Variants in PROX1 observed in about 807,000 individuals in gnomAD.
PROX1 encodes prospero homeobox protein 1.
Under a neutral mutation model 58.8 loss-of-function variants are expected in PROX1, and 7 were observed. The observed-to-expected ratio is 0.12, with a 90% confidence interval of 0.07 to 0.22. PROX1 has a LOEUF of 0.22. Ranked by LOEUF, PROX1 falls within the 10% of genes least tolerant of loss-of-function variation. PROX1 has a pLI of 1.00. For missense variants in PROX1, 675 were observed against 927.8 expected, an observed-to-expected ratio of 0.73 and a Z score of 3.54; for synonymous variants, 350 against 358.3, an observed-to-expected ratio of 0.98 and a Z score of 0.26.
chr1:213,997,903 C>A lies in PROX1; in HGVS notation c.1368C>A (p.Ala456=). 1 of 1,612,494 alleles carries A rather than the reference C, an allele frequency of 6.2e-7. No homozygotes were observed. The highest frequency in any genetic ancestry group is 2.2e-5 in the East Asian group (1 of 44,858). The change falls in exon 2 of 5, where the codon GCC becomes GCA. Residue 456 remains alanine, a synonymous_variant. Transcript: ENST00000366958. The surrounding 1 kb of genome is among the most constrained non-coding windows in gnomAD (Gnocchi z 7.1). ...NSSDQSASGP[A]AGGHHQPLHQ... is the part of the protein sequence containing the mutation. ...CTGACCAGTCTGCCTCCGGCCCTGC[C>A]GCTGGCGGCCACCACCAGCCCCTGC... is the stretch of plus-strand genomic sequence containing the variant.
At chr1:214,016,359 T>G (rs1664095005) in intron 4 of PROX1, among the ~76,000 whole-genome samples, 1 of 152,300 alleles carries the variant, frequency 6.6e-6, no homozygotes, top group African/African-American at 2.4e-5. Flanking sequence ...TTGTCATCTC[T>G]TTAAAGAAAA....
At chr1:214,029,563 A>G (rs985199229) in intron 4 of PROX1, 5 of 152,290 alleles carry the variant, frequency 3.3e-5, no homozygotes, top group African/African-American at 1.2e-4. Context: ...TTACCTATAT[A>G]TTTTTAAAGG....
At chr1:214,018,725 G>A (rs1378113690) in intron 4 of PROX1, among the ~76,000 whole-genome samples, 2 of 152,182 alleles carry the variant, frequency 1.3e-5, no homozygotes, top group African/African-American at 4.8e-5. Flanking sequence ...CATATTTAAA[G>A]GCAATCTCTG....
At chr1:213,999,899 T>C (rs1269675023) in intron 2 of PROX1, among the ~76,000 whole-genome samples, 3 of 152,186 alleles carry the variant, frequency 2.0e-5, no homozygotes, top group Admixed American at 6.5e-5. Flanking sequence ...ATGGTTTTTG[T>C]GCCCTTTGCA....
intron 4 of PROX1, among the ~76,000 whole-genome samples, chr1:214,021,243 T>C (rs1304040990): frequency 2.0e-5 from 3 of 152,270 alleles, no homozygotes; most frequent in Non-Finnish European, 4.4e-5. Context: ...AATCTCATTG[T>C]CAGAATATAC....
chr1:214,012,236 G>A (rs1419562277), intron 4 of PROX1, among the ~76,000 whole-genome samples: 1 of 152,152 alleles, frequency 6.6e-6, no homozygotes, highest in African/African-American at 2.4e-5. Flanking sequence ...TAAGTACATA[G>A]CATAAGAGAT....
chr1:214,029,242 A>T (rs1664563340), intron 4 of PROX1: 1 of 152,262 alleles, frequency 6.6e-6, no homozygotes, highest in African/African-American at 2.4e-5. Flanking sequence ...ACACGTGTGC[A>T]GATGCCCATT....
At position 214,027,032 on chromosome 1, in the gene PROX1, T is replaced by C. The variant is rs1285845264; in HGVS notation, c.2029-8617T>C. ...TGTGGCATTGGAGGATGTCAAGTGG[T>C]CTGACTTGGAAGTGTACTGCCACAA... On this transcript the variant is annotated intron_variant, in intron 4 of 4. Transcript: ENST00000366958. Among the ~76,000 whole-genome samples the C allele has an allele frequency of 2.6e-5, 4 of 152,152 alleles. No individual in the cohort carries two copies. In the East Asian group the frequency reaches 7.7e-4, roughly 29 times the overall value.
chr1:214,024,624 T>A (rs1664392000), intron 4 of PROX1, among the ~76,000 whole-genome samples: 1 of 152,190 alleles, frequency 6.6e-6, no homozygotes, highest in African/African-American at 2.4e-5. Context: ...GGCTCCTTAC[T>A]CACATTGCTC....
chr1:214,017,303 TG>T (rs1015304988), intron 4 of PROX1, among the ~76,000 whole-genome samples: 2 of 152,202 alleles, frequency 1.3e-5, no homozygotes, highest in African/African-American at 2.4e-5. Flanking sequence ...GGGGATTCAG[TG>T]GAGTTCTATG....
In PROX1 at chr1:213,988,308, C is replaced by G. The variant is rs1351950026; in HGVS notation, c.-243C>G. On this transcript the variant is annotated 5_prime_UTR_variant, in exon 1 of 5. Transcript: ENST00000366958. ...CTCGCCCCGCTCGCTCGCTCGCTGT[C>G]GCACAGACTCACCGTCCCTTGTCCA... 6.6e-6 allele frequency: 1 copy of G among 152,536 alleles called. No individual in the cohort carries two copies. Among genetic ancestry groups the G allele is most frequent in the African/African-American group, 2.4e-5 (1 of 41,322 alleles). The allele number at this position is 152,536 out of a possible 1,614,324, so 9.4% of individuals were successfully genotyped here. A position where few individuals can be genotyped will look rare whatever the true frequency, so the allele number is the denominator to read the frequency against.
Position 214,016,196 on chromosome 1 carries a change from C to T in PROX1, c.2028+4481C>T, listed in dbSNP as rs973475134. ...GGAAATAGAAAATAAAAAACAACAC[C>T]CCACCCCACCCCCAACACACACACA... is the stretch of plus-strand genomic sequence containing the variant. On this transcript the variant is annotated intron_variant, in intron 4 of 4. Coordinates refer to ENST00000366958, the MANE Select transcript of PROX1 (RefSeq NM_001270616.2). Among the ~76,000 whole-genome samples the T allele has an allele frequency of 5.3e-5, 8 of 152,032 alleles. No individual in the cohort carries two copies. In the South Asian group the frequency reaches 1.2e-3, roughly 24 times the overall value.
chr1:214,026,670 G>A (rs1165048233), intron 4 of PROX1, among the ~76,000 whole-genome samples: 1 of 152,028 alleles, frequency 6.6e-6, no homozygotes, highest in Non-Finnish European at 1.5e-5. Flanking sequence ...TGTGAATTTT[G>A]TATTTTCTAA....
At chr1:214,005,363 T>C in intron 3 of PROX1, 91 bp downstream of exon 3, 1 of 1,003,594 alleles carries the variant, frequency 1.0e-6, no homozygotes, top group African/African-American at 1.6e-5. Context: ...GAATGTGGAA[T>C]TGGTTTATTC....
Position 213,988,127 on chromosome 1 carries a change from T to G in PROX1, c.-424T>G, listed in dbSNP as rs1279808558. On this transcript the variant is annotated 5_prime_UTR_variant, in exon 1 of 5. Coordinates refer to ENST00000366958, the MANE Select transcript of PROX1 (RefSeq NM_001270616.2). ...TCTCCTCCTCTGCTGCTCTCTCCTCTCCTCCCGCTCTTCTCTCTCCTCCTC... is the reference window on the plus strand; with the variant it reads ...TCTCCTCCTCTGCTGCTCTCTCCTCGCCTCCCGCTCTTCTCTCTCCTCCTC... 7.7e-4 allele frequency: 1 copy of G among 1,292 alleles called. No homozygotes were observed. Among genetic ancestry groups the G allele is most frequent in the African/African-American group, 6.6e-3 (1 of 152 alleles). The allele number at this position is 1,292 out of a possible 1,614,324, so 0.1% of individuals were successfully genotyped here. A position where few individuals can be genotyped will look rare whatever the true frequency, so the allele number is the denominator to read the frequency against.
Position 213,988,073 on chromosome 1 carries a change from C to T in PROX1, c.-478C>T, listed in dbSNP as rs1382502376. 3 of 152,198 alleles carry T rather than the reference C, an allele frequency of 2.0e-5. No homozygotes were observed. The highest frequency in any genetic ancestry group is 4.2e-4 in the South Asian group (2 of 4,776). The allele number at this position is 152,198 out of a possible 1,614,324, so 9.4% of individuals were successfully genotyped here. A position where few individuals can be genotyped will look rare whatever the true frequency, so the allele number is the denominator to read the frequency against. Reference sequence around the variant, plus strand: ...GTCCGCCTGCTCCCTCTCCGCTTCGCTCCTCTTCTCTTCTTTACCCTTCTC... The same window carrying T: ...GTCCGCCTGCTCCCTCTCCGCTTCGTTCCTCTTCTCTTCTTTACCCTTCTC... On this transcript the variant is annotated 5_prime_UTR_variant, in exon 1 of 5. Coordinates refer to ENST00000366958, the MANE Select transcript of PROX1 (RefSeq NM_001270616.2).
At chr1:214,024,931 G>A (rs1664401925) in intron 4 of PROX1, among the ~76,000 whole-genome samples, 1 of 152,142 alleles carries the variant, frequency 6.6e-6, no homozygotes, top group Admixed American at 6.5e-5. Flanking sequence ...AGCTTGTCTT[G>A]AACTCAGACA....
At chr1:213,988,931 G>A (rs1216821153) in intron 1 of PROX1, among the ~76,000 whole-genome samples, 3 of 151,836 alleles carry the variant, frequency 2.0e-5, no homozygotes, top group Admixed American at 2.0e-4. Context: ...AGAGGGACCG[G>A]GTCGCTTTTT....
intron 3 of PROX1, among the ~76,000 whole-genome samples, chr1:214,010,556 GC>G (rs1193118000): frequency 6.6e-6 from 1 of 152,162 alleles, no homozygotes; most frequent in Non-Finnish European, 1.5e-5. Flanking sequence ...TTGTCTGTCA[GC>G]CCGCCTGATA....
Sources: gnomAD v4.1 joint callset for allele counts (sites outside exome capture counted in the v4.1 genomes callset) on GRCh38, gnomAD v4.1.1 for gene constraint, Gnocchi (gnomAD v3.1) non-coding constraint, MANE v1.5 for transcripts, NCBI Gene and HGNC (gene_info 2026-07-23, HGNC 2026-07-21) for gene names.